The following COG6 variants were observed in gnomAD, a reference collection of about 807,000 sequenced individuals.
COG6 encodes conserved oligomeric Golgi complex subunit 6.
Under a neutral mutation model 88.8 loss-of-function variants are expected in COG6, and 74 were observed. The ratio of observed to expected loss-of-function variants is 0.83; its 90% CI spans 0.69 to 1.01. The LOEUF (loss-of-function observed/expected upper bound fraction) is 1.01. Among genes scored for constraint, COG6 ranks in the 50% least tolerant of loss-of-function variants. The pLI is 0.00. For missense variants in COG6, 800 were observed against 797.9 expected (o/e 1.00, Z -0.03); for synonymous variants, 286 against 278.7 (o/e 1.03, Z -0.26).
In COG6 at chr13:39,683,954, T is replaced by G. The variant is rs184338261; in HGVS notation, c.788+1690T>G. 2.0e-4 allele frequency among the ~76,000 whole-genome samples: 30 copies of G among 152,272 alleles called. 1 individual carries two copies. Among genetic ancestry groups the G allele is most frequent in the Admixed American group, 1.8e-3 (27 of 15,292 alleles). Reference sequence around the variant, plus strand: ...TAAGCTTGTTTCCTTAGCTGTAAAATGAGGATAATAATAGTGCCTATTTTA... The same window carrying G: ...TAAGCTTGTTTCCTTAGCTGTAAAAGGAGGATAATAATAGTGCCTATTTTA... On this transcript the variant is annotated intron_variant, in intron 8 of 18. Transcript: ENST00000455146.
intron 18 of COG6, among the ~76,000 whole-genome samples, chr13:39,787,152 G>A (rs554301486): frequency 6.6e-6 from 1 of 152,208 alleles, no homozygotes; most frequent in Non-Finnish European, 1.5e-5. Flanking sequence ...AGCAGACTGG[G>A]TCAAGGGTCA....
At chr13:39,741,500 G>T (rs930524590) in intron 18 of COG6, among the ~76,000 whole-genome samples, 1 of 152,154 alleles carries the variant, frequency 6.6e-6, no homozygotes, top group Admixed American at 6.6e-5. Context: ...GTGGAAGAAA[G>T]GGTATCAGTG....
chr13:39,780,089 C>T (rs770537498), intron 18 of COG6, among the ~76,000 whole-genome samples: 3 of 152,158 alleles, frequency 2.0e-5, no homozygotes, highest in Non-Finnish European at 4.4e-5. Context: ...GAACATGTGT[C>T]AGGAAATTGA....
intron 17 of COG6, 92 bp downstream of exon 17, chr13:39,724,653 CT>C: frequency 1.0e-6 from 1 of 957,592 alleles, no homozygotes; most frequent in Non-Finnish European, 1.7e-6. Flanking sequence ...CTGGGTGACA[CT>C]TTTTATCTCT....
At position 39,712,511 on chromosome 13, in the gene COG6, T is replaced by C. The variant is rs747915605; in HGVS notation, c.1285-6725T>C. Among the ~76,000 whole-genome samples, 14 of 152,214 alleles carry C rather than the reference T, an allele frequency of 9.2e-5. 1 individual carries two copies. The highest frequency in any genetic ancestry group is 1.9e-4 in the Non-Finnish European group (13 of 68,030). ...AACATAAATTGAATGTAAGTGACCA[T>C]AGTCAACAGTTTTTATTGATATCCA... On this transcript the variant is annotated intron_variant, in intron 13 of 18. Coordinates refer to ENST00000455146, the MANE Select transcript of COG6 (RefSeq NM_020751.3).
intron 18 of COG6, among the ~76,000 whole-genome samples, chr13:39,772,802 C>A (rs542209967): frequency 3.9e-5 from 6 of 152,212 alleles, no homozygotes; most frequent in Non-Finnish European, 8.8e-5. Context: ...CTCCTGCCCC[C>A]ATTGAGGAAC....
intron 18 of COG6, among the ~76,000 whole-genome samples, chr13:39,748,905 C>T (rs539206533): frequency 6.6e-5 from 10 of 152,260 alleles, no homozygotes; most frequent in Non-Finnish European, 1.3e-4. Context: ...CTTATTCCAT[C>T]CAACTATTTT....
intron 14 of COG6, 146 bp from the exon 15 acceptor site, chr13:39,719,514 T>G: frequency 8.6e-7 from 1 of 1,160,688 alleles, no homozygotes; most frequent in Non-Finnish European, 1.2e-6. Flanking sequence ...TTATCATAAC[T>G]TAAAAAGCAT....
intron 18 of COG6, among the ~76,000 whole-genome samples, chr13:39,749,129 C>T (rs1880491995): frequency 6.6e-6 from 1 of 152,168 alleles, no homozygotes; most frequent in African/African-American, 2.4e-5. Context: ...CAGTCATGTA[C>T]TCTTGACTAT....
intron 5 of COG6, chr13:39,679,228 G>T (rs565387242): frequency 9.1e-6 from 3 of 330,834 alleles, no homozygotes; most frequent in African/African-American, 4.2e-5. Flanking sequence ...TTTTAGTTTT[G>T]CATTTCTCAC....
chr13:39,735,633 A>C (rs1879697696), intron 18 of COG6, among the ~76,000 whole-genome samples: 1 of 150,414 alleles, frequency 6.6e-6, no homozygotes, highest in Non-Finnish European at 1.5e-5. Context: ...ATTGCTCATT[A>C]ATGTCCTTTT....
At chr13:39,747,170 A>G (rs1050877985) in intron 18 of COG6, among the ~76,000 whole-genome samples, 6 of 152,190 alleles carry the variant, frequency 3.9e-5, no homozygotes, top group African/African-American at 1.4e-4. Flanking sequence ...CGTCTATACC[A>G]TTTTATCTGT....
chr13:39,748,953 G>A (rs532110100), intron 18 of COG6, among the ~76,000 whole-genome samples: 218 of 152,196 alleles, frequency 1.4e-3, no homozygotes, highest in African/African-American at 4.7e-3. Context: ...TCCACAGATA[G>A]TCTTAAAAAT....
downstream of COG6, among the ~76,000 whole-genome samples, chr13:39,753,886 A>G (rs747142500): frequency 1.3e-5 from 2 of 152,130 alleles, no homozygotes; most frequent in Non-Finnish European, 2.9e-5. Context: ...GCTGTCGTCT[A>G]CTTCCTTATT....
rs1036372047 is a variant in COG6 at position 39,752,341 on chromosome 13, T to A, written c.*1248T>A. 1.7e-4 allele frequency: 151 copies of A among 862,958 alleles called. No homozygotes were observed. The highest frequency in any genetic ancestry group is 2.3e-4 in the Non-Finnish European group (144 of 629,650). The allele number at this position is 862,958 out of a possible 1,614,324, so 53.5% of individuals were successfully genotyped here. A position where few individuals can be genotyped will look rare whatever the true frequency, so the allele number is the denominator to read the frequency against. ...ATTTATAGAATATGACCTATTTATC[T>A]GAAGTTTATAATTGTTTATACCTAA... is the stretch of plus-strand genomic sequence containing the variant. On this transcript the variant is annotated 3_prime_UTR_variant, in exon 19 of 19. Coordinates refer to ENST00000455146, the MANE Select transcript of COG6 (RefSeq NM_020751.3).
At chr13:39,663,139 A>G (rs1238062973) in intron 3 of COG6, among the ~76,000 whole-genome samples, 2 of 151,944 alleles carry the variant, frequency 1.3e-5, no homozygotes, top group African/African-American at 2.4e-5. Context: ...AAAAATAATC[A>G]TCTTTAACAT....
At chr13:39,660,589 G>T (rs186471992) in intron 2 of COG6, among the ~76,000 whole-genome samples, 196 of 152,206 alleles carry the variant, frequency 1.3e-3, no homozygotes, top group African/African-American at 4.3e-3. Context: ...CTGTTTTCCT[G>T]CGGTCATATT....
At chr13:39,730,288 G>A (rs1299780688) in intron 18 of COG6, among the ~76,000 whole-genome samples, 1 of 151,852 alleles carries the variant, frequency 6.6e-6, no homozygotes, top group African/African-American at 2.4e-5. Flanking sequence ...AAATTTCTTA[G>A]TACCTATTTA....
rs1203671335 is a variant in COG6, at chr13:39,684,243, A to ATTTTTTTTTTTTTTTT, written c.788+1989_788+2004dup. Among the ~76,000 whole-genome samples, 54 of 67,384 alleles carry ATTTTTTTTTTTTTTTT rather than the reference A, an allele frequency of 8.0e-4. 7 individuals carry two copies. The highest frequency in any genetic ancestry group is 1.3e-3 in the South Asian group (2 of 1,560). The allele number at this position is 67,384 out of a possible 152,430, so 44.2% of individuals were successfully genotyped here. ...GGGGGCAGTAATGGCAATTTGGAAGATTTTTTTTTTTTTTTTTTTTTTTTT... is the reference window on the plus strand; with the variant it reads ...GGGGGCAGTAATGGCAATTTGGAAGATTTTTTTTTTTTTTTTTTTTTTTTTTTTTTTTTTTTTTTTT... On this transcript the variant is annotated intron_variant, in intron 8 of 18. Transcript: ENST00000455146.
Sources: allele counts gnomAD v4.1 joint callset (sites outside exome capture counted in the v4.1 genomes callset), GRCh38; gene constraint gnomAD v4.1.1; transcripts MANE v1.5; gene names NCBI Gene and HGNC (gene_info 2026-07-23, HGNC 2026-07-21).